The following SLX4IP variants were observed in gnomAD, a reference collection of about 807,000 sequenced individuals.
SLX4IP encodes the protein protein SLX4IP.
In SLX4IP, 34 loss-of-function variants were observed where a neutral mutation model predicts 32.9. The observed-to-expected ratio is 1.03, with a 90% CI of 0.79 to 1.38. SLX4IP has a LOEUF of 1.38. Among genes scored for constraint, SLX4IP ranks in the 40% most tolerant of loss-of-function variants. SLX4IP has a pLI of 0.00. For synonymous variants in SLX4IP, 172 were observed against 171.7 expected, an observed-to-expected ratio of 1.00 and a Z score of -0.01; for missense variants, 444 against 479.0, an observed-to-expected ratio of 0.93 and a Z score of 0.68.
chr20:10,588,667 C>T (rs1406761608), intron 4 of SLX4IP, among the ~76,000 whole-genome samples: 4 of 152,154 alleles, frequency 2.6e-5, no homozygotes, highest in Non-Finnish European at 4.4e-5. Context: ...TAGACAAATA[C>T]TGTGTGATCT....
At chr20:10,474,575 C>T (rs957982945) in intron 2 of SLX4IP, among the ~76,000 whole-genome samples, 7 of 152,178 alleles carry the variant, frequency 4.6e-5, no homozygotes, top group South Asian at 2.1e-4. Context: ...TTTTTTCCCC[C>T]GCTCCCATTT....
chr20:10,515,323 G>A (rs2065841078), intron 2 of SLX4IP, among the ~76,000 whole-genome samples: 1 of 152,020 alleles, frequency 6.6e-6, no homozygotes, highest in South Asian at 2.1e-4. Context: ...GATCTCAGAT[G>A]ATCTGCCAAC....
chr20:10,621,297 G>C lies in SLX4IP; in HGVS notation c.406-17G>C. On this transcript the variant is annotated splice_polypyrimidine_tract_variant and intron_variant, in intron 6 of 7. Transcript: ENST00000334534. ...CTAATAGATTTCTGGTTGAACCTTT[G>C]TTATCTTTTGGAGTAGACAGAAAGA... 5 of 1,611,344 alleles carry C rather than the reference G, an allele frequency of 3.1e-6. No homozygotes were observed. The highest frequency in any genetic ancestry group is 4.2e-6 in the Non-Finnish European group (5 of 1,177,502).
At chr20:10,452,946 C>T (rs4614990) in intron 1 of SLX4IP, among the ~76,000 whole-genome samples, 74,312 of 151,378 alleles carry the variant, frequency 0.49, 19,667 homozygotes, top group Non-Finnish European at 0.6. Context: ...TTTTGCTTTA[C>T]TATAGCTATT....
At chr20:10,511,682 C>T (rs1031350228) in intron 2 of SLX4IP, among the ~76,000 whole-genome samples, 1 of 152,230 alleles carries the variant, frequency 6.6e-6, no homozygotes, top group Non-Finnish European at 1.5e-5. Context: ...GCAGATGACA[C>T]TTGGAAAACG....
At chr20:10,458,929 A>G (rs1339214686) in intron 2 of SLX4IP, among the ~76,000 whole-genome samples, 3 of 152,196 alleles carry the variant, frequency 2.0e-5, no homozygotes, top group Admixed American at 2.0e-4. Flanking sequence ...ATCTTTAGGG[A>G]ATCGCCACAC....
At chr20:10,498,864 C>T (rs1261572982) in intron 2 of SLX4IP, among the ~76,000 whole-genome samples, 1 of 151,918 alleles carries the variant, frequency 6.6e-6, no homozygotes, top group African/African-American at 2.4e-5. Context: ...ACTTTGTTAT[C>T]ATATCATTCT....
chr20:10,598,548 G>C, intron 4 of SLX4IP, 127 bp from the exon 5 acceptor site: 1 of 884,314 alleles, frequency 1.1e-6, no homozygotes, highest in East Asian at 2.6e-5. Context: ...ACAGGCGTGA[G>C]TCATCACACT....
At chr20:10,621,228 TTC>T in intron 6 of SLX4IP, 84 bp from the exon 7 acceptor site, 1 of 1,186,286 alleles carries the variant, frequency 8.4e-7, no homozygotes. Context: ...AATAAATGTG[TTC>T]ATTGGGGCAT....
intron 4 of SLX4IP, among the ~76,000 whole-genome samples, chr20:10,588,312 A>G (rs554499674): frequency 3.3e-5 from 5 of 152,350 alleles, no homozygotes; most frequent in Admixed American, 6.5e-5. Context: ...GTGAGATGTC[A>G]TCTCATACCT....
intron 2 of SLX4IP, among the ~76,000 whole-genome samples, chr20:10,518,567 T>TTTTC (rs1309728962): frequency 8.1e-5 from 12 of 148,014 alleles, no homozygotes; most frequent in Admixed American, 6.8e-4. Flanking sequence ...TCTTTCTTTC[T>TTTTC]TTTCTTTCTT....
At chr20:10,548,874 A>C (rs1247645019) in intron 2 of SLX4IP, among the ~76,000 whole-genome samples, 4 of 152,196 alleles carry the variant, frequency 2.6e-5, no homozygotes, top group Non-Finnish European at 5.9e-5. Flanking sequence ...CTTGTTCACC[A>C]TTAGTAGATT....
At chr20:10,509,647 A>C (rs559605711) in intron 2 of SLX4IP, among the ~76,000 whole-genome samples, 1 of 152,234 alleles carries the variant, frequency 6.6e-6, no homozygotes, top group African/African-American at 2.4e-5. Context: ...CATTGTTTAC[A>C]GTGGTGAAAA....
At chr20:10,561,142 A>G (rs1383355408) in intron 4 of SLX4IP, among the ~76,000 whole-genome samples, 1 of 152,214 alleles carries the variant, frequency 6.6e-6, no homozygotes, top group Non-Finnish European at 1.5e-5. Context: ...ATACAGAGTG[A>G]TATTTTGATA....
At chr20:10,511,128 G>C (rs2065804589) in intron 2 of SLX4IP, among the ~76,000 whole-genome samples, 1 of 152,208 alleles carries the variant, frequency 6.6e-6, no homozygotes, top group Non-Finnish European at 1.5e-5. Flanking sequence ...ATTCTGTTCT[G>C]AGTTGATGGT....
At chr20:10,602,271 G>C (rs1264505908) in intron 6 of SLX4IP, among the ~76,000 whole-genome samples, 1 of 151,812 alleles carries the variant, frequency 6.6e-6, no homozygotes, top group Non-Finnish European at 1.5e-5. Context: ...ATAGCTGATA[G>C]GGTTCATTTT....
At chr20:10,615,849 A>G (rs2067020383) in intron 6 of SLX4IP, among the ~76,000 whole-genome samples, 1 of 152,178 alleles carries the variant, frequency 6.6e-6, no homozygotes, top group African/African-American at 2.4e-5. Flanking sequence ...GTGTCCCCAC[A>G]AAGTGGAAGG....
intron 4 of SLX4IP, among the ~76,000 whole-genome samples, chr20:10,587,896 A>G (rs1245876218): frequency 6.6e-6 from 1 of 152,192 alleles, no homozygotes; most frequent in Non-Finnish European, 1.5e-5. Context: ...AACTTCTAGT[A>G]GAAGAAGTTG....
At chr20:10,561,199 A>G (rs186877010) in intron 4 of SLX4IP, among the ~76,000 whole-genome samples, 3 of 152,342 alleles carry the variant, frequency 2.0e-5, no homozygotes, top group East Asian at 1.9e-4. Context: ...TAGCATATCT[A>G]TCACCTGAGC....
Sources: gnomAD v4.1 joint callset for allele counts (sites outside exome capture counted in the v4.1 genomes callset) on GRCh38, gnomAD v4.1.1 for gene constraint, MANE v1.5 for transcripts, NCBI Gene and HGNC (gene_info 2026-07-23, HGNC 2026-07-21) for gene names.